Variants in ITGB4 observed in about 807,000 individuals in gnomAD.
The protein encoded by ITGB4 is integrin beta-4.
ITGB4 carries 159 observed loss-of-function variants against 207.6 expected under a neutral mutation model. The observed-to-expected ratio is 0.77, with a 90% CI of 0.67 to 0.87. ITGB4 has a LOEUF of 0.87. ITGB4 is among the 40% of genes least tolerant of loss of function. ITGB4 has a pLI of 0.00. For missense variants in ITGB4, 2,278 were observed against 2,546.8 expected, an observed-to-expected ratio of 0.89 and a Z score of 2.27; for synonymous variants, 1,020 against 1,062.7, an observed-to-expected ratio of 0.96 and a Z score of 0.78.
rs55981241 is a variant in ITGB4, at chr17:75,722,757, CTG to C, written c.-11+1179_-11+1180del. ...GAGCCTGTGGGTGGGTGGGCATGGC[CTG>C]TGTGTGTGTGTGTGTGTGTGTGTGT... On this transcript the variant is annotated intron_variant, in intron 1 of 39. Transcript: ENST00000200181. This position sits in a 1 kb window ranked among gnomAD's most constrained non-coding sequence, Gnocchi z 6.2. 0.026 allele frequency among the ~76,000 whole-genome samples: 3,476 copies of C among 135,120 alleles called. 72 individuals are homozygous for C. The highest frequency in any genetic ancestry group is 0.064 in the African/African-American group (2,287 of 35,880). 88.6% of individuals were successfully genotyped at this position (135,120 alleles called of 152,430 possible).
chr17:75,757,585 C>T lies in ITGB4; in HGVS notation c.*30C>T, dbSNP rs771470354. On this transcript the variant is annotated 3_prime_UTR_variant, in exon 40 of 40. Coordinates refer to ENST00000200181, the MANE Select transcript of ITGB4 (RefSeq NM_000213.5). ...ACCCTGCCCCACCCCCGCCACGTCC[C>T]ACTAGGCGTCCTCCCGACTCCTCTC... The T allele has an allele frequency of 1.7e-5, 27 of 1,612,844 alleles. No individual in the cohort carries two copies. Among genetic ancestry groups the T allele is most frequent in the Non-Finnish European group, 2.2e-5 (26 of 1,179,642 alleles).
intron 13 of ITGB4, among the ~76,000 whole-genome samples, chr17:75,735,183 G>T (rs1401501861): frequency 6.6e-6 from 1 of 151,940 alleles, no homozygotes; most frequent in Non-Finnish European, 1.5e-5. Flanking sequence ...TGCCTCCCAG[G>T]TTCAAGCAAT....
rs1359202803 is a variant in ITGB4, at chr17:75,732,283, CT to C, written c.1454+45del. 4.4e-6 allele frequency: 7 copies of C among 1,586,352 alleles called. No individual in the cohort carries two copies. The highest frequency in any genetic ancestry group is 1.3e-5 in the African/African-American group (1 of 74,350). On this transcript the variant is annotated intron_variant, in intron 12 of 39. Coordinates refer to ENST00000200181, the MANE Select transcript of ITGB4 (RefSeq NM_000213.5). The surrounding 1 kb of genome is among the most constrained non-coding windows in gnomAD (Gnocchi z 5.3). ...TGGGCACCCAGGACACCAGTGGCCCCTGATGGGAAAGCTGGGCTCCTGCAGG... is the reference window on the plus strand; with the variant it reads ...TGGGCACCCAGGACACCAGTGGCCCCGATGGGAAAGCTGGGCTCCTGCAGG...
intron 2 of ITGB4, among the ~76,000 whole-genome samples, chr17:75,725,972 T>G (rs893488495): frequency 6.6e-6 from 1 of 152,178 alleles, no homozygotes; most frequent in African/African-American, 2.4e-5. Context: ...CTGAGGACCG[T>G]CTGGCTGGAC....
At position 75,743,758 on chromosome 17, in the gene ITGB4, G is replaced by C; in HGVS notation, c.3008G>C (p.Arg1003Pro). 6.2e-7 allele frequency: 1 copy of C among 1,613,510 alleles called. No individual in the cohort carries two copies. The highest frequency in any genetic ancestry group is 8.5e-7 in the Non-Finnish European group (1 of 1,180,002). ...SFEQPEFSVS[R>P]GDQVARIPVI... ...GAGCAGCCTGAGTTCTCGGTCAGCC[G>C]CGGGGACCAGGTGGCCCGCATCCCT... The change falls in exon 26 of 40, where the codon CGC becomes CCC. Residue 1003 changes from arginine (R) to proline (P), a missense_variant. Coordinates refer to ENST00000200181, the MANE Select transcript of ITGB4 (RefSeq NM_000213.5).
At chr17:75,755,598 G>C in intron 34 of ITGB4, 103 bp from the exon 35 acceptor site, 1 of 1,461,078 alleles carries the variant, frequency 6.8e-7, no homozygotes, top group Non-Finnish European at 9.5e-7. Flanking sequence ...AGCGGTCAGT[G>C]TAGACATGCC....
At position 75,754,757 on chromosome 17, in the gene ITGB4, C is replaced by T. The variant is rs1354251766; in HGVS notation, c.4500C>T (p.His1500=). ...RDYNSLTRSE[H]SHSTTLPRDY... The stretch of plus-strand genomic sequence containing the variant: ...ACAACTCACTGACCCGCTCAGAACA[C>T]TCACACTCGACCACACTGCCCAGGG... Residue 1500 remains histidine (H), a synonymous_variant, in exon 34 of 40, where the codon CAC becomes CAT. Coordinates refer to ENST00000200181, the MANE Select transcript of ITGB4 (RefSeq NM_000213.5). 5 of 1,612,554 alleles carry T rather than the reference C, an allele frequency of 3.1e-6. No homozygotes were observed. Among genetic ancestry groups the T allele is most frequent in the East Asian group, 2.2e-5 (1 of 44,870 alleles).
rs751357499 is a variant in ITGB4, at chr17:75,755,740, G to A, written c.4598G>A (p.Arg1533His). The A allele has an allele frequency of 1.2e-5, 19 of 1,612,642 alleles. No homozygotes were observed. The highest frequency in any genetic ancestry group is 1.4e-5 in the Non-Finnish European group (17 of 1,179,904). ...LTAGVPDTPT[R>H]LVFSALGPTS... is the part of the protein sequence containing the mutation. ...GCTGGTGTGCCCGACACGCCCACCCGCCTGGTGTTCTCTGCCCTGGGGCCC... is the reference window on the plus strand; with the variant it reads ...GCTGGTGTGCCCGACACGCCCACCCACCTGGTGTTCTCTGCCCTGGGGCCC... The change falls in exon 35 of 40, where the codon CGC (arginine) becomes CAC (histidine). Residue 1533 changes from arginine to histidine, a missense_variant. By Grantham distance (29) the Arg-to-His change is conservative. Transcript: ENST00000200181.
At position 75,732,568 on chromosome 17, in the gene ITGB4, T is replaced by C. The variant is rs1027015211; in HGVS notation, c.1454+329T>C. Among the ~76,000 whole-genome samples the C allele has an allele frequency of 9.9e-5, 15 of 152,088 alleles. No individual in the cohort carries two copies. The highest frequency in any genetic ancestry group is 2.6e-4 in the Admixed American group (4 of 15,258). Reference sequence around the variant, plus strand: ...TGCCTTTGGTATTCTGAGTCCTGTGTCATATTGCCTGATCAGAAGAGAGCT... The same window carrying C: ...TGCCTTTGGTATTCTGAGTCCTGTGCCATATTGCCTGATCAGAAGAGAGCT... On this transcript the variant is annotated intron_variant, in intron 12 of 39. Transcript: ENST00000200181. The surrounding 1 kb of genome is among the most constrained non-coding windows in gnomAD (Gnocchi z 5.3).
intron 26 of ITGB4, chr17:75,746,188 A>G (rs2061228521): frequency 6.6e-6 from 1 of 152,056 alleles, no homozygotes; most frequent in Non-Finnish European, 1.5e-5. Context: ...CAGTCCTTCA[A>G]CCTCAACCTC....
At chr17:75,723,409 C>T (rs2060656040) in intron 1 of ITGB4, among the ~76,000 whole-genome samples, 1 of 152,206 alleles carries the variant, frequency 6.6e-6, no homozygotes, top group Non-Finnish European at 1.5e-5. Context: ...TGTAATGATG[C>T]CTGGGAGGCC....
chr17:75,745,784 C>T (rs2061220017), intron 26 of ITGB4, among the ~76,000 whole-genome samples: 1 of 152,000 alleles, frequency 6.6e-6, no homozygotes, highest in Non-Finnish European at 1.5e-5. Context: ...GAGGCCGAGG[C>T]AGGAGAATTG....
intron 26 of ITGB4, among the ~76,000 whole-genome samples, chr17:75,744,223 C>T (rs1040886759): frequency 7.3e-5 from 11 of 150,610 alleles, no homozygotes; most frequent in Middle Eastern, 3.2e-3. Flanking sequence ...CGGGTTCAAG[C>T]GATTCTGCTG....
At chr17:75,755,074 A>C (rs1384602201) in intron 34 of ITGB4, 7 of 1,599,614 alleles carry the variant, frequency 4.4e-6, no homozygotes, top group Non-Finnish European at 6.0e-6. Context: ...CCATCTGGGA[A>C]CACGGGAGGA....
rs542514445 is a variant in ITGB4, at chr17:75,740,538, G to A, written c.2550+77G>A. On this transcript the variant is annotated intron_variant, in intron 21 of 39. Coordinates refer to ENST00000200181, the MANE Select transcript of ITGB4 (RefSeq NM_000213.5). This position sits in a 1 kb window ranked among gnomAD's most constrained non-coding sequence, Gnocchi z 5.9. ...GAGGTGGGCAGGGCAGAGCGAATGC[G>A]GTCGTGGTACCGAGATTCATTAACT... The A allele has an allele frequency of 1.8e-5, 22 of 1,254,442 alleles. No homozygotes were observed. Among genetic ancestry groups the A allele is most frequent in the Admixed American group, 3.6e-5 (2 of 56,310 alleles). 77.7% of individuals were successfully genotyped at this position (1,254,442 alleles called of 1,614,324 possible).
chr17:75,755,284 C>A, intron 34 of ITGB4: 1 of 1,504,002 alleles, frequency 6.6e-7, no homozygotes, highest in South Asian at 1.2e-5. Flanking sequence ...CCATAGCAGC[C>A]GCCAGCTGTG....
Position 75,755,345 on chromosome 17 carries a change from C to T in ITGB4, c.4559-356C>T, listed in dbSNP as rs944628986. The T allele has an allele frequency of 7.9e-5, 75 of 948,954 alleles. No homozygotes were observed. In the East Asian group the frequency reaches 1.4e-3, roughly 18 times the overall value. 58.8% of individuals were successfully genotyped at this position (948,954 alleles called of 1,614,324 possible). On this transcript the variant is annotated intron_variant, in intron 34 of 39. Coordinates refer to ENST00000200181, the MANE Select transcript of ITGB4 (RefSeq NM_000213.5). ...CACAGGACCCCCGCCTGCCCACAGG[C>T]GCTAACCACCTGCCCTACCATCAGT...
chr17:75,745,721 A>G (rs1038072840), intron 26 of ITGB4, among the ~76,000 whole-genome samples: 2 of 152,036 alleles, frequency 1.3e-5, no homozygotes, highest in African/African-American at 4.8e-5. Context: ...TCTACTAAAA[A>G]TACAAAAATT....
Position 75,722,770 on chromosome 17 carries a change from T to TGTGTG in ITGB4, c.-11+1159_-11+1163dup, listed in dbSNP as rs1220852556. 9.4e-5 allele frequency among the ~76,000 whole-genome samples: 14 copies of TGTGTG among 149,442 alleles called. No homozygotes were observed. In the South Asian group the frequency reaches 2.7e-3, roughly 29 times the overall value. On this transcript the variant is annotated intron_variant, in intron 1 of 39. Transcript: ENST00000200181. This position sits in a 1 kb window ranked among gnomAD's most constrained non-coding sequence, Gnocchi z 6.2. ...GGTGGGCATGGCCTGTGTGTGTGTGTGTGTGTGTGTGTGTGTGTGTGTCCC... is the reference window on the plus strand; with the variant it reads ...GGTGGGCATGGCCTGTGTGTGTGTGTGTGTGGTGTGTGTGTGTGTGTGTGTGTCCC...
Sources: gnomAD v4.1 joint callset for allele counts (sites outside exome capture counted in the v4.1 genomes callset) on GRCh38, gnomAD v4.1.1 for gene constraint, Gnocchi (gnomAD v3.1) non-coding constraint, MANE v1.5 for transcripts, NCBI Gene and HGNC (gene_info 2026-07-23, HGNC 2026-07-21) for gene names.